TBC1D19: variants seen among roughly 807,000 people sequenced by gnomAD.
TBC1D19 encodes the protein TBC1 domain family, member 19.
Under a neutral mutation model 89.0 loss-of-function variants are expected in TBC1D19, and 60 were observed. That is an observed-to-expected ratio of 0.67 (90% confidence interval 0.55 to 0.84). The LOEUF (loss-of-function observed/expected upper bound fraction) is 0.84, where lower values mean the gene tolerates loss of function less well. Among genes scored for constraint, TBC1D19 ranks in the 40% least tolerant of loss-of-function variants. The pLI is 0.00. For missense variants in TBC1D19, 500 were observed against 610.8 expected, an observed-to-expected ratio of 0.82 and a Z score of 1.91; for synonymous variants, 189 against 199.7, an observed-to-expected ratio of 0.95 and a Z score of 0.45.
At chr4:26,849,904 G>A in the TBC1D19 span, among the ~76,000 whole-genome samples, 47,158 of 151,960 alleles carry the variant, frequency 0.31, 7,356 homozygotes, top group Admixed American at 0.34. Flanking sequence ...GCCAACTTAC[G>A]TAGAAAGTTT....
chr4:26,856,157 T>C, the TBC1D19 span, among the ~76,000 whole-genome samples: 1 of 151,206 alleles, frequency 6.6e-6, no homozygotes, highest in South Asian at 2.1e-4. Flanking sequence ...CAGCCTCTGG[T>C]AATCACCTTT....
At chr4:26,711,920 C>T (rs1010660941) in intron 13 of TBC1D19, among the ~76,000 whole-genome samples, 1 of 152,024 alleles carries the variant, frequency 6.6e-6, no homozygotes, top group Non-Finnish European at 1.5e-5. Flanking sequence ...TACTGTCTAA[C>T]ATACCACTTC....
At chr4:26,618,996 G>T (rs971617642) in intron 3 of TBC1D19, among the ~76,000 whole-genome samples, 2 of 152,066 alleles carry the variant, frequency 1.3e-5, no homozygotes, top group African/African-American at 4.8e-5. Context: ...AGGTATTTTA[G>T]CTAGTTTTGT....
At chr4:26,704,906 C>A (rs1260640234) in intron 13 of TBC1D19, among the ~76,000 whole-genome samples, 1 of 152,140 alleles carries the variant, frequency 6.6e-6, no homozygotes, top group African/African-American at 2.4e-5. Flanking sequence ...TTTCCAGTTA[C>A]TCCACATCAT....
At chr4:26,827,343 G>T in the TBC1D19 span, among the ~76,000 whole-genome samples, 1 of 152,178 alleles carries the variant, frequency 6.6e-6, no homozygotes, top group Non-Finnish European at 1.5e-5. Context: ...AGTGACTCAC[G>T]CCTGCAATCC....
In TBC1D19 at chr4:26,591,578, G is replaced by C. The variant is rs541782740; in HGVS notation, c.99+7286G>C. 2.0e-5 allele frequency among the ~76,000 whole-genome samples: 3 copies of C among 152,114 alleles called. 1 individual carries two copies. In the South Asian group the frequency reaches 6.2e-4, roughly 32 times the overall value. On this transcript the variant is annotated intron_variant, in intron 1 of 20. Coordinates refer to ENST00000264866, the MANE Select transcript of TBC1D19 (RefSeq NM_018317.4). ...GTTTTTTGAAAAGAACAACAAAATTGATAGACCACTAGCAAGGCTAATAAA... is the reference window on the plus strand; with the variant it reads ...GTTTTTTGAAAAGAACAACAAAATTCATAGACCACTAGCAAGGCTAATAAA...
chr4:26,598,608 A>T (rs909203932), intron 1 of TBC1D19, among the ~76,000 whole-genome samples: 4 of 152,074 alleles, frequency 2.6e-5, no homozygotes, highest in African/African-American at 9.7e-5. Context: ...GTTAGCCAGG[A>T]TGGTCTCTAC....
At chr4:26,607,107 G>T (rs139203206) in intron 1 of TBC1D19, among the ~76,000 whole-genome samples, 1 of 152,138 alleles carries the variant, frequency 6.6e-6, no homozygotes, top group African/African-American at 2.4e-5. Context: ...GAGGATGTCA[G>T]AATCAGCATA....
At chr4:26,629,865 A>G (rs950303441) in intron 4 of TBC1D19, among the ~76,000 whole-genome samples, 4 of 151,864 alleles carry the variant, frequency 2.6e-5, no homozygotes, top group Admixed American at 2.0e-4. Context: ...TTATGTCTCA[A>G]TTACACACAT....
the TBC1D19 span, among the ~76,000 whole-genome samples, chr4:26,845,334 ACTT>A: frequency 8.5e-5 from 13 of 152,188 alleles, no homozygotes; most frequent in Non-Finnish European, 1.5e-5. Context: ...GTTATTGTAA[ACTT>A]CTATGTTTTT....
chr4:26,710,409 A>G (rs964356238), intron 13 of TBC1D19, among the ~76,000 whole-genome samples: 1 of 152,030 alleles, frequency 6.6e-6, no homozygotes, highest in Non-Finnish European at 1.5e-5. Context: ...TATGTGCCAC[A>G]TTTTCTTAAT....
At chr4:26,735,767 G>T (rs113145787) in intron 16 of TBC1D19, among the ~76,000 whole-genome samples, 9 of 152,094 alleles carry the variant, frequency 5.9e-5, no homozygotes, top group Non-Finnish European at 1.0e-4. Context: ...TAGTCCAGGC[G>T]TGGTGGCTCA....
chr4:26,839,574 C>G, the TBC1D19 span, among the ~76,000 whole-genome samples: 3 of 150,980 alleles, frequency 2.0e-5, no homozygotes, highest in Non-Finnish European at 2.9e-5. Context: ...TTTCCATCAC[C>G]CCCCCGCCCT....
At chr4:26,724,156 G>A (rs1286767016) in intron 15 of TBC1D19, among the ~76,000 whole-genome samples, 1 of 152,222 alleles carries the variant, frequency 6.6e-6, no homozygotes, top group Non-Finnish European at 1.5e-5. Flanking sequence ...CAGTGTGACT[G>A]GCAATAGTGA....
intron 4 of TBC1D19, among the ~76,000 whole-genome samples, chr4:26,628,457 G>T (rs1396124132): frequency 6.6e-5 from 10 of 151,984 alleles, no homozygotes. Flanking sequence ...ACAAGACAGG[G>T]ATGCCCTCTC....
At chr4:26,675,642 AAG>A (rs1257373767) in intron 11 of TBC1D19, among the ~76,000 whole-genome samples, 9 of 152,144 alleles carry the variant, frequency 5.9e-5, no homozygotes, top group South Asian at 2.1e-4. Flanking sequence ...TTTAGAGAGA[AAG>A]AGAGAAGGAA....
intron 4 of TBC1D19, among the ~76,000 whole-genome samples, chr4:26,634,156 A>G (rs919698488): frequency 6.6e-6 from 1 of 150,884 alleles, no homozygotes; most frequent in African/African-American, 2.4e-5. Flanking sequence ...TTCTTTTTTT[A>G]CAATGGTCCT....
At chr4:26,774,589 C>T in the TBC1D19 span, among the ~76,000 whole-genome samples, 2 of 152,060 alleles carry the variant, frequency 1.3e-5, no homozygotes, top group East Asian at 3.9e-4. Flanking sequence ...TGTTTAATTT[C>T]AATTTTGGAT....
Position 26,659,640 on chromosome 4 carries a change from C to T in TBC1D19, c.524C>T (p.Ser175Phe). ...LRNPNYENGD[S>F]LSFRTHLGLI... ...AACCCAAATTATGAAAACGGTGATT[C>T]TCTTAGTTTCAGGACTCATTTGGGT... Residue 175 changes from serine to phenylalanine, a missense_variant, in exon 8 of 21, where the codon TCT becomes TTT. This residue lies in a region of TBC1D19 where 280 missense variants were observed against 291.7 expected (regional missense o/e 0.96). Transcript: ENST00000264866. 6.3e-7 allele frequency: 1 copy of T among 1,593,030 alleles called. No individual in the cohort carries two copies. The highest frequency in any genetic ancestry group is 8.6e-7 in the Non-Finnish European group (1 of 1,165,450).
Sources: gnomAD v4.1 joint callset for allele counts (sites outside exome capture counted in the v4.1 genomes callset) on GRCh38, gnomAD v4.1.1 for gene constraint, gnomAD v4.1.1 regional missense constraint, MANE v1.5 for transcripts, NCBI Gene and HGNC (gene_info 2026-07-23, HGNC 2026-07-21) for gene names.